Variants in TPRG1 observed in about 807,000 individuals in gnomAD.
The protein encoded by TPRG1 is tumor protein p63-regulated gene 1 protein.
TPRG1 carries 29 observed loss-of-function variants against 29.3 expected under a neutral mutation model. That is an observed-to-expected ratio of 0.99 (90% CI 0.74 to 1.35). The LOEUF (loss-of-function observed/expected upper bound fraction) is 1.35. TPRG1 is among the 40% of genes most tolerant of loss of function. The pLI is 0.00. For missense variants in TPRG1, 327 were observed against 335.0 expected, an observed-to-expected ratio of 0.98 and a Z score of 0.19; for synonymous variants, 130 against 116.8, an observed-to-expected ratio of 1.11 and a Z score of -0.73.
chr3:189,233,865 C>CATTG (rs1177587699), intron 3 of TPRG1, among the ~76,000 whole-genome samples: 7 of 152,068 alleles, frequency 4.6e-5, no homozygotes, highest in Admixed American at 2.0e-4. Context: ...GGCATGTGCA[C>CATTG]ATTGATTGAT....
intron 4 of TPRG1, among the ~76,000 whole-genome samples, chr3:189,076,424 C>T (rs1717172860): frequency 6.6e-6 from 1 of 152,034 alleles, no homozygotes; most frequent in Non-Finnish European, 1.5e-5. Flanking sequence ...CCTTGCAGTT[C>T]TAATGATCTG....
chr3:189,242,340 A>C (rs1307119610), intron 4 of TPRG1, among the ~76,000 whole-genome samples: 2 of 152,026 alleles, frequency 1.3e-5, no homozygotes, highest in African/African-American at 4.8e-5. Context: ...TGGTTGAGTT[A>C]TTCCCCATTT....
At chr3:189,074,146 TATTA>T (rs962963754) in intron 4 of TPRG1, among the ~76,000 whole-genome samples, 21 of 151,300 alleles carry the variant, frequency 1.4e-4, no homozygotes, top group African/African-American at 5.1e-4. Context: ...GATTTTTCTT[TATTA>T]ATTCATGTTG....
At chr3:189,288,083 AGAG>A (rs1448164044) in intron 4 of TPRG1, among the ~76,000 whole-genome samples, 5 of 151,996 alleles carry the variant, frequency 3.3e-5, no homozygotes, top group Non-Finnish European at 7.4e-5. Context: ...GGAAAAAGAG[AGAG>A]GAGAGAAAAT....
At chr3:189,009,544 C>A (rs1271273285) in intron 3 of TPRG1, among the ~76,000 whole-genome samples, 3 of 151,946 alleles carry the variant, frequency 2.0e-5, no homozygotes, top group Non-Finnish European at 2.9e-5. Context: ...AAAAGTAACC[C>A]CTGATTTTAT....
intron 1 of TPRG1, among the ~76,000 whole-genome samples, chr3:189,177,626 C>G (rs1729664996): frequency 6.6e-6 from 1 of 151,818 alleles, no homozygotes; most frequent in South Asian, 2.1e-4. Context: ...GGACTGACTT[C>G]TGGGGTGCTG....
chr3:189,218,456 T>G (rs1421694936), intron 3 of TPRG1, among the ~76,000 whole-genome samples: 1 of 152,162 alleles, frequency 6.6e-6, no homozygotes, highest in Non-Finnish European at 1.5e-5. Flanking sequence ...CTGAGCTTCA[T>G]GCATATTAAC....
intron 4 of TPRG1, among the ~76,000 whole-genome samples, chr3:189,054,475 A>G (rs747296763): frequency 3.3e-5 from 5 of 151,084 alleles, no homozygotes; most frequent in African/African-American, 4.9e-5. Flanking sequence ...GATCTTTGAT[A>G]TTAATATTGT....
intron 4 of TPRG1, among the ~76,000 whole-genome samples, chr3:189,252,279 A>G (rs1742407092): frequency 6.6e-6 from 1 of 152,152 alleles, no homozygotes; most frequent in African/African-American, 2.4e-5. Context: ...GGAGTCTCCT[A>G]TGTCTACTTC....
chr3:189,138,701 G>C (rs992336762), intron 3 of TPRG1, among the ~76,000 whole-genome samples: 3 of 152,200 alleles, frequency 2.0e-5, no homozygotes, highest in African/African-American at 7.2e-5. Context: ...TCAACTGCAA[G>C]GGGTCCAGGG....
chr3:189,014,102 T>C (rs529602146), intron 3 of TPRG1, among the ~76,000 whole-genome samples: 2 of 152,328 alleles, frequency 1.3e-5, no homozygotes, highest in South Asian at 2.1e-4. Flanking sequence ...ATAGTGTCAC[T>C]AGTCTGTGTA....
intron 2 of TPRG1, among the ~76,000 whole-genome samples, chr3:189,208,569 C>T (rs903090982): frequency 3.9e-5 from 6 of 151,964 alleles, no homozygotes; most frequent in East Asian, 1.9e-4. Flanking sequence ...AGCAACTTAA[C>T]GAGTGTGTGT....
intron 1 of TPRG1, among the ~76,000 whole-genome samples, chr3:188,998,622 A>C (rs2152121086): frequency 6.6e-6 from 1 of 152,348 alleles, no homozygotes; most frequent in South Asian, 2.1e-4. Context: ...ACACATACAC[A>C]GTGGAATACT....
chr3:189,145,446 G>C (rs1036239898), intron 3 of TPRG1, among the ~76,000 whole-genome samples: 2 of 151,420 alleles, frequency 1.3e-5, no homozygotes, highest in African/African-American at 4.9e-5. Context: ...TAAGGAGAAA[G>C]AGTTCTGGCA....
At chr3:189,050,669 T>G (rs534451858) in intron 4 of TPRG1, among the ~76,000 whole-genome samples, 1 of 152,164 alleles carries the variant, frequency 6.6e-6, no homozygotes, top group African/African-American at 2.4e-5. Flanking sequence ...TGAACATAGA[T>G]GCTAAAACCC....
intron 4 of TPRG1, among the ~76,000 whole-genome samples, chr3:189,053,342 TC>T (rs1469034820): frequency 7.2e-5 from 11 of 152,204 alleles, no homozygotes; most frequent in African/African-American, 2.4e-4. Flanking sequence ...GTTTATGGTT[TC>T]TTTTGAGGAA....
intron 1 of TPRG1, among the ~76,000 whole-genome samples, chr3:189,205,905 GATAAC>G (rs777056550): frequency 2.4e-4 from 36 of 152,146 alleles, no homozygotes; most frequent in Non-Finnish European, 4.4e-4. Flanking sequence ...GTCATCTAGA[GATAAC>G]TATTGTTATA....
intron 1 of TPRG1, among the ~76,000 whole-genome samples, chr3:189,189,799 C>G (rs2108736417): frequency 6.6e-6 from 1 of 152,324 alleles, no homozygotes; most frequent in Admixed American, 6.5e-5. Context: ...TAGCTACTCT[C>G]TATAGCATTT....
intron 1 of TPRG1, among the ~76,000 whole-genome samples, chr3:189,186,547 A>G (rs1319018259): frequency 6.6e-6 from 1 of 152,194 alleles, no homozygotes; most frequent in Non-Finnish European, 1.5e-5. Context: ...TTTGACTTAC[A>G]GTAGGATAAA....
Sources: allele counts gnomAD v4.1 joint callset (sites outside exome capture counted in the v4.1 genomes callset), GRCh38; gene constraint gnomAD v4.1.1; transcripts MANE v1.5; gene names NCBI Gene and HGNC (gene_info 2026-07-23, HGNC 2026-07-21).